Variants in FAT4 observed in about 807,000 individuals in gnomAD.
FAT4 encodes the protein FAT atypical cadherin 4, also known as protocadherin Fat 4.
In FAT4, 84 loss-of-function variants were observed where a neutral mutation model predicts 303.9. The observed-to-expected ratio is 0.28, with a 90% CI of 0.23 to 0.33. The LOEUF (loss-of-function observed/expected upper bound fraction) is 0.33. FAT4 is among the 10% of genes least tolerant of loss of function. The probability of loss-of-function intolerance (pLI) is 1.00; values close to 1 mark genes in which losing one functional copy is unlikely to be tolerated. For synonymous variants in FAT4, 2,307 were observed against 2,298.8 expected (o/e 1.00, Z -0.10); for missense variants, 6,005 against 6,146.8 (o/e 0.98, Z 0.77).
At position 125,316,082 on chromosome 4, in the gene FAT4, G is replaced by A. The variant is rs1172352566; in HGVS notation, c.-13+105G>A. Among the ~76,000 whole-genome samples the A allele has an allele frequency of 6.6e-6, 1 of 152,174 alleles. No homozygotes were observed. Among genetic ancestry groups the A allele is most frequent in the Non-Finnish European group, 1.5e-5 (1 of 68,038 alleles). ...TCATCCACCCGGGTGAAAACGCTCA[G>A]ACTATCTGGATTCAAAAACAAAGTA... On this transcript the variant is annotated intron_variant, in intron 1 of 17. Coordinates refer to ENST00000394329, the MANE Select transcript of FAT4 (RefSeq NM_001291303.3). The surrounding 1 kb of genome is among the most constrained non-coding windows in gnomAD (Gnocchi z 5.7).
At chr4:125,437,199 A>G (rs1725485294) in intron 8 of FAT4, among the ~76,000 whole-genome samples, 1 of 152,076 alleles carries the variant, frequency 6.6e-6, no homozygotes. Flanking sequence ...TTGAGTGAGG[A>G]CACAGCCAAA....
chr4:125,406,900 A>T lies in FAT4; in HGVS notation c.5328A>T (p.Thr1776=), dbSNP rs755334520. The T allele has an allele frequency of 1.9e-6, 3 of 1,613,824 alleles. No homozygotes were observed. The highest frequency in any genetic ancestry group is 2.5e-6 in the Non-Finnish European group (3 of 1,179,830). ...DADEGANALV[T]YTIISGADDS... Reference sequence around the variant, plus strand: ...TTTAGGGTGCAAATGCTCTCGTCACATACACTATCATTAGTGGAGCTGATG... The same window carrying T: ...TTTAGGGTGCAAATGCTCTCGTCACTTACACTATCATTAGTGGAGCTGATG... The change falls in exon 4 of 18, where the codon ACA becomes ACT. Residue 1776 remains threonine (T), a synonymous_variant. Coordinates refer to ENST00000394329, the MANE Select transcript of FAT4 (RefSeq NM_001291303.3).
rs182721446 is a variant in FAT4, at chr4:125,418,440, A to T, written c.7018+1818A>T. ...ATTTTTATTTACTGACTGCATGGTT[A>T]CAGAGTAGCACATTTGGAAACTCTA... On this transcript the variant is annotated intron_variant, in intron 7 of 17. Transcript: ENST00000394329. Among the ~76,000 whole-genome samples, 361 of 152,288 alleles carry T rather than the reference A, an allele frequency of 2.4e-3. 4 individuals are homozygous for T. The highest frequency in any genetic ancestry group is 8.1e-3 in the Admixed American group (124 of 15,280).
intron 10 of FAT4, among the ~76,000 whole-genome samples, chr4:125,456,439 T>C (rs1726281729): frequency 6.6e-6 from 1 of 152,160 alleles, no homozygotes. Flanking sequence ...AACATAAAAT[T>C]GAATGATTAA....
intron 2 of FAT4, among the ~76,000 whole-genome samples, chr4:125,384,996 ATATACATATATATATATATATATATATAT>A (rs1394121054): frequency 8.7e-6 from 1 of 115,176 alleles, no homozygotes; most frequent in Non-Finnish European, 1.7e-5. Flanking sequence ...ACATATATAT[ATATACATATATATATATATATATATATAT>A]TTTTTTTTTT....
At chr4:125,334,255 A>AT (rs1731489928) in intron 2 of FAT4, among the ~76,000 whole-genome samples, 1 of 152,080 alleles carries the variant, frequency 6.6e-6, no homozygotes, top group African/African-American at 2.4e-5. Flanking sequence ...TAAAAGAAAG[A>AT]TTTTTTGTTA....
At chr4:125,404,156 G>A (rs958233970) in intron 3 of FAT4, among the ~76,000 whole-genome samples, 38 of 152,060 alleles carry the variant, frequency 2.5e-4, no homozygotes, top group Admixed American at 2.0e-4. Flanking sequence ...CTGAGAGTAC[G>A]TAGGAAATCA....
intron 7 of FAT4, among the ~76,000 whole-genome samples, chr4:125,431,925 T>C (rs1463537989): frequency 6.6e-6 from 1 of 152,192 alleles, no homozygotes; most frequent in East Asian, 1.9e-4. Context: ...TTTCATAAAA[T>C]TGTATATAGT....
chr4:125,369,750 C>G (rs2125990763), intron 2 of FAT4, among the ~76,000 whole-genome samples: 1 of 152,302 alleles, frequency 6.6e-6, no homozygotes, highest in African/African-American at 2.4e-5. Context: ...CTGAAACTCT[C>G]TACCCATTAA....
At chr4:125,478,329 C>T (rs1161852262) in intron 14 of FAT4, among the ~76,000 whole-genome samples, 1 of 152,126 alleles carries the variant, frequency 6.6e-6, no homozygotes, top group Non-Finnish European at 1.5e-5. Context: ...TTGGGATTGC[C>T]ACCATTGTTA....
Position 125,479,761 on chromosome 4 carries a change from C to A in FAT4, c.12500C>A (p.Ala4167Asp). 6.3e-7 allele frequency: 1 copy of A among 1,596,352 alleles called. No individual in the cohort carries two copies. Among genetic ancestry groups the A allele is most frequent in the Non-Finnish European group, 8.6e-7 (1 of 1,167,308 alleles). The change falls in exon 15 of 18, where the codon GCT becomes GAT. Residue 4167 changes from alanine (A) to aspartate (D), a missense_variant. Transcript: ENST00000394329. ...TTTAGATGCCCTAGGCTGGAAGGCG[C>A]TTGTACTCGCAGCCCATGCCAACAT... ...ILDQCPRLEG[A>D]CTRSPCQHGG...
intron 2 of FAT4, among the ~76,000 whole-genome samples, chr4:125,336,895 TATC>T (rs1235240116): frequency 5.3e-5 from 8 of 152,170 alleles, no homozygotes; most frequent in African/African-American, 1.7e-4. Flanking sequence ...TCAACTTAAA[TATC>T]ATATACTTAT....
chr4:125,421,550 T>A (rs1179270897), intron 7 of FAT4, among the ~76,000 whole-genome samples: 1 of 152,228 alleles, frequency 6.6e-6, no homozygotes, highest in Non-Finnish European at 1.5e-5. Flanking sequence ...GGCATTAATA[T>A]CTGCCACTAC....
intron 11 of FAT4, among the ~76,000 whole-genome samples, chr4:125,464,934 T>C (rs1490652600): frequency 3.9e-5 from 6 of 152,186 alleles, no homozygotes; most frequent in African/African-American, 1.4e-4. Context: ...TAGTAGATAA[T>C]AGAATTTAAA....
intron 2 of FAT4, among the ~76,000 whole-genome samples, chr4:125,373,051 A>G (rs780144478): frequency 6.6e-6 from 1 of 152,194 alleles, no homozygotes; most frequent in Non-Finnish European, 1.5e-5. Context: ...TTATTATAAC[A>G]AAATTCAGAA....
chr4:125,479,441 A>G lies in FAT4; in HGVS notation c.12480-300A>G, dbSNP rs71585415. 0.049 allele frequency among the ~76,000 whole-genome samples: 7,391 copies of G among 152,230 alleles called. 203 individuals are homozygous for G. The highest frequency in any genetic ancestry group is 0.062 in the East Asian group (323 of 5,170). On this transcript the variant is annotated intron_variant, in intron 14 of 17. Transcript: ENST00000394329. ...GGTCCCTGGATCATATGTATTAACCAAAGTGTTTATTTGACCAAGGTATTT... is the reference window on the plus strand; with the variant it reads ...GGTCCCTGGATCATATGTATTAACCGAAGTGTTTATTTGACCAAGGTATTT...
intron 3 of FAT4, among the ~76,000 whole-genome samples, chr4:125,401,081 G>A (rs1211740070): frequency 1.3e-5 from 2 of 151,882 alleles, no homozygotes; most frequent in African/African-American, 2.4e-5. Context: ...GGAAAGGGGG[G>A]CATTTCAGGA....
At position 125,471,895 on chromosome 4, in the gene FAT4, CAAAAAAAAAAAAAAAA is replaced by C. The variant is rs60730341; in HGVS notation, c.12213+3093_12213+3108del. On this transcript the variant is annotated intron_variant, in intron 12 of 17. Coordinates refer to ENST00000394329, the MANE Select transcript of FAT4 (RefSeq NM_001291303.3). Reference sequence around the variant, plus strand: ...TGAAACCCTGTCTCTACTAAAAATACAAAAAAAAAAAAAAAAAAAAAAAAAAAAAAAATTAGCCCGG... The same window carrying C: ...TGAAACCCTGTCTCTACTAAAAATACAAAAAAAAAAAAAAAATTAGCCCGG... Among the ~76,000 whole-genome samples, 11 of 56,118 alleles carry C rather than the reference CAAAAAAAAAAAAAAAA, an allele frequency of 2.0e-4. No homozygotes were observed. The South Asian group carries it at 8.0e-3, about 41-fold the overall frequency. 36.8% of individuals were successfully genotyped at this position (56,118 alleles called of 152,430 possible).
rs1730955247 is a variant in FAT4, at chr4:125,321,585, A to C, written c.5174A>C (p.Glu1725Ala). The C allele has an allele frequency of 6.3e-7, 1 of 1,580,480 alleles. No homozygotes were observed. The highest frequency in any genetic ancestry group is 8.6e-7 in the Non-Finnish European group (1 of 1,166,906). ...GCTTTTCCCAGAACACAGAGAGCAG[A>C]GGTAATGATTTTGTAGTCATTTATT... ...STAFPRTQRA[E>A]VEITLQDIND... The change falls in exon 2 of 18, where the codon GAG (glutamate) becomes GCG (alanine). Residue 1725 changes from glutamate to alanine, a missense_variant and splice_region_variant. Transcript: ENST00000394329.
Sources: gnomAD v4.1 joint callset for allele counts (sites outside exome capture counted in the v4.1 genomes callset) on GRCh38, gnomAD v4.1.1 for gene constraint, Gnocchi (gnomAD v3.1) non-coding constraint, MANE v1.5 for transcripts, NCBI Gene and HGNC (gene_info 2026-07-23, HGNC 2026-07-21) for gene names.